The following SYTL3 variants were observed in gnomAD, a reference collection of about 807,000 sequenced individuals.
SYTL3 encodes the protein synaptotagmin like 3.
In SYTL3, 88 loss-of-function variants were observed where a neutral mutation model predicts 82.1. The observed-to-expected ratio is 1.07, with a 90% CI of 0.90 to 1.28. The LOEUF (loss-of-function observed/expected upper bound fraction) is 1.28, where lower values mean the gene tolerates loss of function less well. Ranked by LOEUF, SYTL3 falls within the 50% of genes most tolerant of loss-of-function variation. The probability of loss-of-function intolerance (pLI) is 0.00; values close to 1 mark genes in which losing one functional copy is unlikely to be tolerated. For synonymous variants in SYTL3, 311 were observed against 289.4 expected (o/e 1.07, Z -0.76); for missense variants, 831 against 757.6 (o/e 1.10, Z -1.14).
intron 13 of SYTL3, among the ~76,000 whole-genome samples, chr6:158,755,824 G>C (rs962830662): frequency 1.3e-5 from 2 of 152,202 alleles, no homozygotes; most frequent in Non-Finnish European, 2.9e-5. Context: ...GCGCCGGAGT[G>C]GGGGCAGCAT....
At chr6:158,673,674 C>T (rs568832543) in intron 5 of SYTL3, among the ~76,000 whole-genome samples, 29 of 150,830 alleles carry the variant, frequency 1.9e-4, no homozygotes, top group African/African-American at 6.6e-4. Context: ...CTTCTGACCT[C>T]GTGATCCACT....
At position 158,665,623 on chromosome 6, in the gene SYTL3, G is replaced by A; in HGVS notation, c.329+10G>A. ...TGTGCTTCGAGGACAGGTAAGCATGGCCGGTGGTTGGATCCCTCCCACTGA... is the reference window on the plus strand; with the variant it reads ...TGTGCTTCGAGGACAGGTAAGCATGACCGGTGGTTGGATCCCTCCCACTGA... On this transcript the variant is annotated intron_variant, in intron 5 of 17. Transcript: ENST00000611299. The A allele has an allele frequency of 6.5e-7, 1 of 1,535,500 alleles. No homozygotes were observed. Among genetic ancestry groups the A allele is most frequent in the Non-Finnish European group, 8.8e-7 (1 of 1,134,670 alleles).
intron 12 of SYTL3, among the ~76,000 whole-genome samples, chr6:158,746,822 T>TA (rs11460658): frequency 0.53 from 77,544 of 145,844 alleles, 20,913 homozygotes; most frequent in African/African-American, 0.6. Context: ...CAACTTGTTT[T>TA]AAAAAAAAAA....
chr6:158,751,020 T>C (rs1788320025), intron 12 of SYTL3, among the ~76,000 whole-genome samples: 1 of 152,196 alleles, frequency 6.6e-6, no homozygotes, highest in South Asian at 2.1e-4. Flanking sequence ...GGTCTGGAAC[T>C]CCTGACCTCA....
At chr6:158,740,909 A>G (rs1786844174) in intron 11 of SYTL3, among the ~76,000 whole-genome samples, 1 of 152,092 alleles carries the variant, frequency 6.6e-6, no homozygotes, top group Non-Finnish European at 1.5e-5. Flanking sequence ...GTGCTTTGGG[A>G]TTCAATGAAC....
At chr6:158,735,508 A>G (rs1786027627) in intron 11 of SYTL3, among the ~76,000 whole-genome samples, 1 of 152,224 alleles carries the variant, frequency 6.6e-6, no homozygotes, top group South Asian at 2.1e-4. Context: ...AGGCTGAAGC[A>G]GCATTTATTT....
chr6:158,670,533 G>A (rs1472670309), intron 5 of SYTL3, among the ~76,000 whole-genome samples: 4 of 152,096 alleles, frequency 2.6e-5, no homozygotes, highest in African/African-American at 9.7e-5. Flanking sequence ...TGTAATCCCA[G>A]CACTTTGGGA....
At chr6:158,710,021 C>T (rs146131393) in intron 8 of SYTL3, among the ~76,000 whole-genome samples, 138 of 152,242 alleles carry the variant, frequency 9.1e-4, no homozygotes, top group African/African-American at 2.8e-3. Flanking sequence ...GGCAACAGAG[C>T]GCGACTGTCT....
At position 158,713,839 on chromosome 6, in the gene SYTL3, G is replaced by C. The variant is rs535348565; in HGVS notation, c.556G>C (p.Val186Leu). The change falls in exon 9 of 18, where the codon GTG (valine) becomes CTG (leucine). Residue 186 changes from valine (V) to leucine (L), a missense_variant. Physicochemically the swap from Val to Leu is conservative, Grantham distance 32. Transcript: ENST00000611299. Reference sequence around the variant, plus strand: ...TCAGTTTAGAGGATTTAATAAGTCCGTGGAAAATTTGTTTCTGTCTCTTGC... The same window carrying C: ...TCAGTTTAGAGGATTTAATAAGTCCCTGGAAAATTTGTTTCTGTCTCTTGC... ...FGQFRGFNKS[V>L]ENLFLSLATH... 2.6e-6 allele frequency: 4 copies of C among 1,550,762 alleles called. No individual in the cohort carries two copies. Among genetic ancestry groups the C allele is most frequent in the Non-Finnish European group, 2.6e-6 (3 of 1,146,710 alleles).
intron 2 of SYTL3, among the ~76,000 whole-genome samples, chr6:158,658,665 C>T (rs1470872554): frequency 6.6e-6 from 1 of 152,088 alleles, no homozygotes; most frequent in Non-Finnish European, 1.5e-5. Flanking sequence ...TAGCTCACGC[C>T]TATAATCCCA....
At chr6:158,723,351 C>G (rs1215737858) in intron 10 of SYTL3, among the ~76,000 whole-genome samples, 2 of 152,128 alleles carry the variant, frequency 1.3e-5, no homozygotes, top group South Asian at 2.1e-4. Context: ...GCTAGGATTA[C>G]AGGTGTGAGC....
intron 6 of SYTL3, among the ~76,000 whole-genome samples, chr6:158,704,163 A>G (rs1286395693): frequency 1.3e-5 from 2 of 152,176 alleles, no homozygotes; most frequent in Non-Finnish European, 2.9e-5. Flanking sequence ...AAAAAAAACA[A>G]AAGAATAATC....
At chr6:158,670,976 T>A (rs1314784902) in intron 5 of SYTL3, among the ~76,000 whole-genome samples, 1 of 151,776 alleles carries the variant, frequency 6.6e-6, no homozygotes, top group African/African-American at 2.4e-5. Flanking sequence ...CTAATTTTTT[T>A]TGTATTTTTA....
chr6:158,702,344 AAAT>A (rs1406934124), intron 6 of SYTL3, among the ~76,000 whole-genome samples: 4 of 151,070 alleles, frequency 2.6e-5, no homozygotes, highest in African/African-American at 9.7e-5. Flanking sequence ...AAAAAAAAAA[AAAT>A]TTTTTTTTTT....
chr6:158,745,434 T>C, intron 11 of SYTL3, 46 bp from the exon 12 acceptor site: 1 of 1,525,040 alleles, frequency 6.6e-7, no homozygotes, highest in Non-Finnish European at 8.9e-7. Context: ...ATCAAAAAAG[T>C]GAATTAACTG....
At chr6:158,713,662 T>G in intron 8 of SYTL3, 138 bp from the exon 9 acceptor site, 1 of 676,566 alleles carries the variant, frequency 1.5e-6, no homozygotes, top group Non-Finnish European at 2.7e-6. Flanking sequence ...CATGCCCACC[T>G]GCACCCCCAG....
At chr6:158,651,379 T>C (rs984006287) in intron 1 of SYTL3, among the ~76,000 whole-genome samples, 4 of 151,920 alleles carry the variant, frequency 2.6e-5, no homozygotes, top group Non-Finnish European at 1.5e-5. Context: ...GATCATGAGG[T>C]CAAGAGATCG....
intron 6 of SYTL3, among the ~76,000 whole-genome samples, chr6:158,685,858 G>T (rs982541550): frequency 1.3e-5 from 2 of 152,108 alleles, no homozygotes; most frequent in Non-Finnish European, 2.9e-5. Context: ...CTTTTTGTTG[G>T]TGGGCTGGAG....
intron 10 of SYTL3, among the ~76,000 whole-genome samples, chr6:158,720,978 C>G (rs914532129): frequency 6.6e-6 from 1 of 152,200 alleles, no homozygotes; most frequent in Non-Finnish European, 1.5e-5. Context: ...CGCCCCCTCC[C>G]CTGCTGCATG....
Sources: allele counts gnomAD v4.1 joint callset (sites outside exome capture counted in the v4.1 genomes callset), GRCh38; gene constraint gnomAD v4.1.1; transcripts MANE v1.5; gene names NCBI Gene and HGNC (gene_info 2026-07-23, HGNC 2026-07-21).